Variants in WDR90 observed in about 807,000 individuals in gnomAD.
WDR90 encodes the protein WD repeat domain 90.
In WDR90, 238 loss-of-function variants were observed where a neutral mutation model predicts 195.2. That is an observed-to-expected ratio of 1.22 (90% CI 1.10 to 1.36). The LOEUF is 1.36. WDR90 is among the 40% of genes most tolerant of loss of function. The pLI, the probability that WDR90 is intolerant of heterozygous loss-of-function variation, is 0.00. For synonymous variants in WDR90, 1,265 were observed against 1,052.4 expected (o/e 1.20, Z -3.91); for missense variants, 2,734 against 2,439.5 (o/e 1.12, Z -2.54).
At position 661,337 on chromosome 16, in the gene WDR90, G is replaced by A. The variant is rs768478409; in HGVS notation, c.3514-5G>A. On this transcript the variant is annotated splice_region_variant and splice_polypyrimidine_tract_variant and intron_variant, in intron 29 of 40. Transcript: ENST00000293879. Reference sequence around the variant, plus strand: ...CCCACTCACGCCTGGCCTCTTGCCTGCCAGGTCCTGGCCTCTGCCTCGGGC... The same window carrying A: ...CCCACTCACGCCTGGCCTCTTGCCTACCAGGTCCTGGCCTCTGCCTCGGGC... 3.1e-6 allele frequency: 5 copies of A among 1,590,518 alleles called. No individual in the cohort carries two copies. The African/African-American group carries it at 6.7e-5, about 21-fold the overall frequency.
chr16:661,439 C>T lies in WDR90; in HGVS notation c.3611C>T (p.Pro1204Leu). 6.2e-7 allele frequency: 1 copy of T among 1,612,496 alleles called. No homozygotes were observed. The highest frequency in any genetic ancestry group is 1.1e-5 in the South Asian group (1 of 91,030). Residue 1204 changes from proline to leucine, a missense_variant, in exon 30 of 41, where the codon CCC becomes CTC. Physicochemically the swap from Pro to Leu is moderately conservative, Grantham distance 98 (BLOSUM62 -3). Transcript: ENST00000293879. ...GGCCTCTGCCAGCATCTCATTTTCC[C>T]CCATAGCACCACCGTGCTGGCCCTG... is the stretch of plus-strand genomic sequence containing the variant. ...SGGLCQHLIF[P>L]HSTTVLALAF...
chr16:663,180 G>A (rs915932433), intron 34 of WDR90: 10 of 401,700 alleles, frequency 2.5e-5, no homozygotes, highest in Non-Finnish European at 3.9e-5. Flanking sequence ...GTTCATGCCT[G>A]TGATCCCAGC....
Position 659,249 on chromosome 16 carries a change from G to C in WDR90, c.3057G>C (p.Pro1019=), listed in dbSNP as rs540827916. 5.0e-6 allele frequency: 8 copies of C among 1,611,508 alleles called. No homozygotes were observed. Among genetic ancestry groups the C allele is most frequent in the Non-Finnish European group, 6.8e-6 (8 of 1,179,490 alleles). ...PGAPPACKTG[P]GAGPLEDAAS... is the part of the protein sequence containing the mutation. Reference sequence around the variant, plus strand: ...ACAGGGCTGCTTCTTCCCCAGGCCCGGGCGCAGGACCGCTGGAGGACGCAG... The same window carrying C: ...ACAGGGCTGCTTCTTCCCCAGGCCCCGGCGCAGGACCGCTGGAGGACGCAG... Residue 1019 remains proline, a synonymous_variant, in exon 26 of 41, where the codon CCG becomes CCC. Transcript: ENST00000293879.
intron 26 of WDR90, 140 bp downstream of exon 26, chr16:659,516 C>A: frequency 1.0e-6 from 1 of 999,106 alleles, no homozygotes; most frequent in Non-Finnish European, 1.4e-6. Flanking sequence ...ACAGTGGGGT[C>A]GGGGTGGGGG....
At chr16:662,632 G>A (rs1038144183) in intron 33 of WDR90, 47 bp from the exon 34 acceptor site, 20 of 1,512,990 alleles carry the variant, frequency 1.3e-5, no homozygotes, top group Admixed American at 1.1e-4. Context: ...TCTTGTCATC[G>A]GCCTTGAGAC....
rs757278800 is a variant in WDR90, at chr16:667,426, CCA to C, written c.5090-3_5090-2del. 3.8e-6 allele frequency: 6 copies of C among 1,593,856 alleles called. No homozygotes were observed. Among genetic ancestry groups the C allele is most frequent in the East Asian group, 2.2e-5 (1 of 44,464 alleles). ...GCCCTGGCCCACCTGCACCGTCTAC[CCA>C]CAGAGTGCATGCTGAGGCTGGTAGA... On this transcript the variant is annotated splice_region_variant and splice_polypyrimidine_tract_variant and intron_variant, in intron 40 of 40. Transcript: ENST00000293879.
rs199694215 is a variant in WDR90, at chr16:655,345, G to A, written c.1595G>A (p.Arg532Gln). Reference sequence around the variant, plus strand: ...GGGCAGGGCAGTGTGCGGCTCTGGCGGCTGCGTGGCGGGGTGCTGCGTTCC... The same window carrying A: ...GGGCAGGGCAGTGTGCGGCTCTGGCAGCTGCGTGGCGGGGTGCTGCGTTCC... The part of the protein sequence containing the change: ...SCGQGSVRLW[R>Q]LRGGVLRSCP... The change falls in exon 15 of 41, where the codon CGG becomes CAG. Residue 532 changes from arginine to glutamine, a missense_variant. Coordinates refer to ENST00000293879, the MANE Select transcript of WDR90 (RefSeq NM_145294.5). 2.2e-4 allele frequency: 355 copies of A among 1,603,000 alleles called. 1 individual carries two copies. Among genetic ancestry groups the A allele is most frequent in the African/African-American group, 2.7e-4 (20 of 74,978 alleles).
rs1460125104 is a variant in WDR90, at chr16:662,769, C to A, written c.4236C>A (p.Thr1412=). 3 of 1,607,472 alleles carry A rather than the reference C, an allele frequency of 1.9e-6. No homozygotes were observed. Among genetic ancestry groups the A allele is most frequent in the Non-Finnish European group, 2.5e-6 (3 of 1,176,636 alleles). Residue 1412 remains threonine, a synonymous_variant, in exon 34 of 41, where the codon ACC becomes ACA. Coordinates refer to ENST00000293879, the MANE Select transcript of WDR90 (RefSeq NM_145294.5). Reference sequence around the variant, plus strand: ...GCGTGGACATGGGCGTCGTGGGCACCACGGCGGGCACGCTGTGGTTTGTCA... The same window carrying A: ...GCGTGGACATGGGCGTCGTGGGCACAACGGCGGGCACGCTGTGGTTTGTCA... ...DDSVDMGVVG[T]TAGTLWFVSW... is the part of the protein sequence containing the mutation.
intron 23 of WDR90, 114 bp from the exon 24 acceptor site, chr16:658,782 C>T (rs949705938): frequency 1.3e-6 from 2 of 1,553,096 alleles, no homozygotes; most frequent in South Asian, 1.2e-5. Context: ...CCCCAAGGAT[C>T]CTCTGTGCCT....
At chr16:661,000 G>GCCCCCCCCC in intron 28 of WDR90, 51 bp from the exon 29 acceptor site, 1 of 18,324 alleles carries the variant, frequency 5.5e-5, no homozygotes, top group Non-Finnish European at 8.0e-5. Context: ...GCCCCTCCCC[G>GCCCCCCCCC]CCCCCCCCCC....
At chr16:666,853 C>G in intron 39 of WDR90, 52 bp from the exon 40 acceptor site, 1 of 1,612,906 alleles carries the variant, frequency 6.2e-7, no homozygotes, top group South Asian at 1.1e-5. Context: ...TGGGTGGGGC[C>G]TGGCTGAGCC....
chr16:664,709 G>A (rs1307423119), intron 34 of WDR90, among the ~76,000 whole-genome samples: 2 of 150,322 alleles, frequency 1.3e-5, no homozygotes, highest in East Asian at 2.0e-4. Context: ...TTGAGACGGA[G>A]TTTCTTGTCG....
intron 19 of WDR90, 21 bp from the exon 20 acceptor site, chr16:657,070 G>T: frequency 6.3e-7 from 1 of 1,595,364 alleles, no homozygotes; most frequent in South Asian, 1.1e-5. Flanking sequence ...AGGGCCAGCG[G>T]GGTCCCTGTG....
chr16:666,476 G>T lies in WDR90; in HGVS notation c.4762G>T (p.Gly1588Cys). 1 of 1,612,486 alleles carries T rather than the reference G, an allele frequency of 6.2e-7. No individual in the cohort carries two copies. The highest frequency in any genetic ancestry group is 8.5e-7 in the Non-Finnish European group (1 of 1,179,816). ...CCAGTGTGAAGACTTAGGGGTGGAG[G>T]GCACAGACCTATGGCTGGCTGCCAG... Reference protein sequence around the residue: ...CKECEDLGVEGTDLWLAASGD... With the variant: ...CKECEDLGVECTDLWLAASGD... The change falls in exon 38 of 41, where the codon GGC (glycine) becomes TGC (cysteine). Residue 1588 changes from glycine (G) to cysteine (C), a missense_variant. By Grantham distance (159) the Gly-to-Cys change is radical. Transcript: ENST00000293879.
In WDR90 at chr16:658,241, T is replaced by C. The variant is rs1321413478; in HGVS notation, c.2663T>C (p.Met888Thr). The C allele has an allele frequency of 6.2e-7, 1 of 1,612,614 alleles. No individual in the cohort carries two copies. ...GCCAGCAGCCGCCTGGACTCAGCCATGGCTGTGTGCTTTGGCCCTGCAGCT... is the reference window on the plus strand; with the variant it reads ...GCCAGCAGCCGCCTGGACTCAGCCACGGCTGTGTGCTTTGGCCCTGCAGCT... The part of the protein sequence containing the change: ...DLASSRLDSA[M>T]AVCFGPAALG... The change falls in exon 22 of 41, where the codon ATG (methionine) becomes ACG (threonine). Residue 888 changes from methionine to threonine, a missense_variant. By Grantham distance (81) the Met-to-Thr change is moderately conservative. Transcript: ENST00000293879.
rs746092310 is a variant in WDR90 at position 656,881 on chromosome 16, C to T, written c.2342+10C>T. On this transcript the variant is annotated intron_variant, in intron 19 of 40. Transcript: ENST00000293879. ...TCCTGGTGGAACACACGTAAGTGCC[C>T]AGCTGGCCACCAGCCCCACGGAGAC... 1.2e-6 allele frequency: 2 copies of T among 1,610,930 alleles called. No individual in the cohort carries two copies.
At chr16:653,499 C>T (rs761996895) in intron 11 of WDR90, 26 bp from the exon 12 acceptor site, 25 of 1,612,474 alleles carry the variant, frequency 1.6e-5, no homozygotes, top group Middle Eastern at 1.6e-4. Context: ...AGCCCCTACA[C>T]CCTCCCTCAC....
At chr16:659,612 A>ATCAGGTGGAACACAGTG (rs1555462564) in intron 26 of WDR90, among the ~76,000 whole-genome samples, 2 of 152,134 alleles carry the variant, frequency 1.3e-5, no homozygotes, top group Admixed American at 6.6e-5. Context: ...CCTTGGCCCC[A>ATCAGGTGGAACACAGTG]GGCACCTTGT....
At chr16:663,206 G>A (rs1195118775) in intron 34 of WDR90, 6 of 370,426 alleles carry the variant, frequency 1.6e-5, no homozygotes, top group Non-Finnish European at 3.2e-5. Flanking sequence ...GGGAGGCCAA[G>A]GCAGGTGGAT....
Sources: gnomAD v4.1 joint callset for allele counts (sites outside exome capture counted in the v4.1 genomes callset) on GRCh38, gnomAD v4.1.1 for gene constraint, MANE v1.5 for transcripts, NCBI Gene and HGNC (gene_info 2026-07-23, HGNC 2026-07-21) for gene names.